Variants in CDC42SE2 observed in about 807,000 individuals in gnomAD.
CDC42SE2 encodes the protein CDC42 small effector 2, also known as CDC42 small effector protein 2.
In CDC42SE2, 3 loss-of-function variants were observed where a neutral mutation model predicts 11.5. The observed-to-expected ratio is 0.26, with a 90% CI of 0.12 to 0.67. The LOEUF (loss-of-function observed/expected upper bound fraction) is 0.67. CDC42SE2 is among the 30% of genes least tolerant of loss of function. The probability of loss-of-function intolerance (pLI) is 0.80; values close to 1 mark genes in which losing one functional copy is unlikely to be tolerated. For missense variants in CDC42SE2, 82 were observed against 106.8 expected (o/e 0.77, Z 1.02); for synonymous variants, 33 against 34.8 (o/e 0.95, Z 0.18).
At chr5:131,255,093 A>G (rs1756670299) in intron 1 of CDC42SE2, 1 of 152,174 alleles carries the variant, frequency 6.6e-6, no homozygotes, top group Non-Finnish European at 1.5e-5. Flanking sequence ...TGTTTATTTT[A>G]GAATTGACAA....
chr5:131,372,495 C>T (rs1270343574), intron 3 of CDC42SE2, among the ~76,000 whole-genome samples: 3 of 151,836 alleles, frequency 2.0e-5, no homozygotes, highest in South Asian at 2.1e-4. Context: ...GGGTGGATCA[C>T]GACGTCAGGA....
intron 1 of CDC42SE2, among the ~76,000 whole-genome samples, chr5:131,264,705 C>T (rs943506205): frequency 6.6e-6 from 1 of 152,232 alleles, no homozygotes; most frequent in Non-Finnish European, 1.5e-5. Context: ...CCTTGGCTAC[C>T]TCGTCGCGGG....
chr5:131,214,250 G>A, the CDC42SE2 span, among the ~76,000 whole-genome samples: 1 of 152,160 alleles, frequency 6.6e-6, no homozygotes, highest in African/African-American at 2.4e-5. Flanking sequence ...ACATGTGCCT[G>A]TAGTCCTAGC....
At chr5:131,281,102 T>G (rs1757229584) in intron 1 of CDC42SE2, among the ~76,000 whole-genome samples, 1 of 152,198 alleles carries the variant, frequency 6.6e-6, no homozygotes, top group African/African-American at 2.4e-5. Flanking sequence ...CCTTTAAGGA[T>G]TTTTCCTTGA....
chr5:131,328,955 G>C (rs908701913), intron 2 of CDC42SE2, among the ~76,000 whole-genome samples: 1 of 152,174 alleles, frequency 6.6e-6, no homozygotes, highest in Non-Finnish European at 1.5e-5. Flanking sequence ...ACTGGAAAGA[G>C]GTTATCTCCT....
the CDC42SE2 span, among the ~76,000 whole-genome samples, chr5:131,239,109 G>A: frequency 1.3e-5 from 2 of 151,408 alleles, no homozygotes; most frequent in South Asian, 4.2e-4. Flanking sequence ...GAAGTGAGCC[G>A]AGATTGCACC....
the CDC42SE2 span, among the ~76,000 whole-genome samples, chr5:131,213,020 G>A: frequency 2.0e-5 from 3 of 152,072 alleles, no homozygotes; most frequent in African/African-American, 7.2e-5. Flanking sequence ...GTGAAACCCC[G>A]TCTCTACTAA....
At chr5:131,340,174 C>T (rs558608470) in intron 2 of CDC42SE2, among the ~76,000 whole-genome samples, 6 of 152,214 alleles carry the variant, frequency 3.9e-5, no homozygotes, top group South Asian at 4.2e-4. Context: ...CCATTTTATT[C>T]GTGGTTTTGC....
In CDC42SE2 at chr5:131,274,342, CTCT is replaced by C. The variant is rs1410794214; in HGVS notation, c.-455+10181_-455+10183del. On this transcript the variant is annotated intron_variant, in intron 1 of 4. Coordinates refer to ENST00000505065, the MANE Select transcript of CDC42SE2 (RefSeq NM_001375635.1). Reference sequence around the variant, plus strand: ...AAAAACCTAGTAGACATTCTTGACTCTCTTCTTTCTCATACTCCCACATGTGAT... The same window carrying C: ...AAAAACCTAGTAGACATTCTTGACTCTCTTTCTCATACTCCCACATGTGAT... 2.6e-5 allele frequency among the ~76,000 whole-genome samples: 4 copies of C among 152,282 alleles called. No homozygotes were observed. In the East Asian group the frequency reaches 7.7e-4, roughly 29 times the overall value.
intron 1 of CDC42SE2, among the ~76,000 whole-genome samples, chr5:131,300,916 T>C (rs561844033): frequency 6.6e-6 from 1 of 152,354 alleles, no homozygotes; most frequent in East Asian, 1.9e-4. Context: ...TTAGCTATGA[T>C]ATGTCAAGCA....
upstream of CDC42SE2, among the ~76,000 whole-genome samples, chr5:131,263,493 A>T (rs189531706): frequency 2.2e-3 from 339 of 152,322 alleles, no homozygotes; most frequent in Middle Eastern, 0.02. Context: ...CGCATTTCAA[A>T]CCAGGTGGTT....
chr5:131,360,741 A>G (rs982984382), intron 3 of CDC42SE2, among the ~76,000 whole-genome samples: 4 of 152,198 alleles, frequency 2.6e-5, no homozygotes, highest in African/African-American at 9.6e-5. Context: ...TAACAACGTA[A>G]GAGGAAAAAT....
At chr5:131,232,182 C>T in the CDC42SE2 span, among the ~76,000 whole-genome samples, 4 of 151,944 alleles carry the variant, frequency 2.6e-5, no homozygotes, top group East Asian at 1.9e-4. Flanking sequence ...GGCTTGATCT[C>T]GGCTTACTGC....
chr5:131,268,709 C>CCCAAA (rs1402991100), intron 1 of CDC42SE2, among the ~76,000 whole-genome samples: 1 of 150,944 alleles, frequency 6.6e-6, no homozygotes, highest in Non-Finnish European at 1.5e-5. Flanking sequence ...GCCTTAGCCT[C>CCCAAA]CCAAAGTGCT....
intron 3 of CDC42SE2, among the ~76,000 whole-genome samples, chr5:131,373,714 CT>C (rs1750073734): frequency 6.6e-6 from 1 of 151,936 alleles, no homozygotes; most frequent in African/African-American, 2.4e-5. Context: ...TAGGAAAGAA[CT>C]AAAAAACAAA....
At chr5:131,220,965 G>A in the CDC42SE2 span, among the ~76,000 whole-genome samples, 1 of 148,208 alleles carries the variant, frequency 6.7e-6, no homozygotes, top group Non-Finnish European at 1.5e-5. Context: ...GCTCACTGCA[G>A]CCTCCACCTC....
upstream of CDC42SE2, among the ~76,000 whole-genome samples, chr5:131,245,215 T>C (rs764532755): frequency 6.6e-6 from 1 of 152,160 alleles, no homozygotes; most frequent in Non-Finnish European, 1.5e-5. Flanking sequence ...TTACAAGTGG[T>C]TATTTTCGGG....
chr5:131,272,441 C>A (rs138643264), intron 1 of CDC42SE2, among the ~76,000 whole-genome samples: 1 of 152,130 alleles, frequency 6.6e-6, no homozygotes, highest in African/African-American at 2.4e-5. Context: ...GACCTTGTTT[C>A]CTGTATGTTA....
At chr5:131,285,193 G>A (rs979259971) in intron 1 of CDC42SE2, among the ~76,000 whole-genome samples, 1 of 152,082 alleles carries the variant, frequency 6.6e-6, no homozygotes, top group Admixed American at 6.6e-5. Context: ...GCTGAGACAG[G>A]AAGATCTCTG....
Sources: allele counts gnomAD v4.1 joint callset (sites outside exome capture counted in the v4.1 genomes callset), GRCh38; gene constraint gnomAD v4.1.1; transcripts MANE v1.5; gene names NCBI Gene and HGNC (gene_info 2026-07-23, HGNC 2026-07-21).